Variants in NDST4 observed in about 807,000 individuals in gnomAD.
The protein encoded by NDST4 is N-deacetylase and N-sulfotransferase 4.
A neutral mutation model predicts 100.8 loss-of-function variants in NDST4; 63 were observed. The ratio of observed to expected loss-of-function variants is 0.62; its 90% confidence interval spans 0.51 to 0.77. NDST4 has a LOEUF of 0.77. NDST4 is among the 30% of genes least tolerant of loss of function. The probability of loss-of-function intolerance (pLI) is 0.00; values close to 1 mark genes in which losing one functional copy is unlikely to be tolerated. For missense variants in NDST4, 943 were observed against 1,018.4 expected, an observed-to-expected ratio of 0.93 and a Z score of 1.01; for synonymous variants, 377 against 361.8, an observed-to-expected ratio of 1.04 and a Z score of -0.48.
chr4:115,092,942 C>G (rs776847306), intron 1 of NDST4, among the ~76,000 whole-genome samples: 21 of 151,996 alleles, frequency 1.4e-4, no homozygotes, highest in Non-Finnish European at 2.5e-4. Flanking sequence ...CAAGTATATG[C>G]TGTTTACAAT....
chr4:114,887,145 T>G (rs1240507126), intron 6 of NDST4, among the ~76,000 whole-genome samples: 1 of 152,174 alleles, frequency 6.6e-6, no homozygotes, highest in African/African-American at 2.4e-5. Flanking sequence ...GATTTATTCT[T>G]AAGGAATCTG....
chr4:114,830,419 T>G (rs1017906687), intron 12 of NDST4, among the ~76,000 whole-genome samples: 1 of 152,202 alleles, frequency 6.6e-6, no homozygotes, highest in Non-Finnish European at 1.5e-5. Context: ...CTTACACTTT[T>G]CAAAAAACAA....
At chr4:114,934,685 A>G (rs1409963590) in intron 6 of NDST4, among the ~76,000 whole-genome samples, 1 of 152,088 alleles carries the variant, frequency 6.6e-6, no homozygotes, top group Non-Finnish European at 1.5e-5. Context: ...GATGGGATGA[A>G]TAAGTTAATA....
At chr4:115,102,198 G>C (rs533045864) in intron 1 of NDST4, among the ~76,000 whole-genome samples, 1 of 151,942 alleles carries the variant, frequency 6.6e-6, no homozygotes, top group African/African-American at 2.4e-5. Context: ...TTGCATCCTT[G>C]CTAATTGCCT....
chr4:115,110,229 T>A lies in NDST4; in HGVS notation c.-247+3215A>T, dbSNP rs546007481. 3.3e-5 allele frequency among the ~76,000 whole-genome samples: 5 copies of A among 152,062 alleles called. No individual in the cohort carries two copies. The South Asian group carries it at 8.3e-4, about 25-fold the overall frequency. On this transcript the variant is annotated intron_variant, in intron 1 of 13. Transcript: ENST00000264363. Reference sequence around the variant, plus strand: ...ATTGCAAATAACACCTCTAACTTCTTAAGCTTGCTGAAAATAACTTTTAAA... The same window carrying A: ...ATTGCAAATAACACCTCTAACTTCTAAAGCTTGCTGAAAATAACTTTTAAA...
At chr4:114,843,231 C>T (rs1391821450) in intron 10 of NDST4, among the ~76,000 whole-genome samples, 2 of 152,216 alleles carry the variant, frequency 1.3e-5, no homozygotes, top group Non-Finnish European at 2.9e-5. Flanking sequence ...AACCACCAGA[C>T]AGCTAGAAGA....
intron 7 of NDST4, among the ~76,000 whole-genome samples, chr4:114,865,386 T>A (rs1724006417): frequency 4.6e-5 from 7 of 152,142 alleles, no homozygotes; most frequent in Admixed American, 4.6e-4. Context: ...AACTAATGAC[T>A]GTGTACTTTT....
At chr4:114,939,774 C>A (rs1725709099) in intron 4 of NDST4, among the ~76,000 whole-genome samples, 1 of 151,996 alleles carries the variant, frequency 6.6e-6, no homozygotes, top group Non-Finnish European at 1.5e-5. Flanking sequence ...TCTGGGGGCC[C>A]AGTGTTATAC....
Position 115,016,867 on chromosome 4 carries a change from A to G in NDST4, c.979-39593T>C, listed in dbSNP as rs563948244. ...CCCCTGAGGTGCTTGCTGAAGGCAA[A>G]AAGTATATAGAATGGGCAGTAGAAG... On this transcript the variant is annotated intron_variant, in intron 2 of 13. Coordinates refer to ENST00000264363, the MANE Select transcript of NDST4 (RefSeq NM_022569.3). 2.0e-4 allele frequency among the ~76,000 whole-genome samples: 31 copies of G among 152,156 alleles called. No individual in the cohort carries two copies. The South Asian group carries it at 6.2e-3, about 31-fold the overall frequency.
At chr4:115,088,647 C>G (rs769120325) in intron 1 of NDST4, among the ~76,000 whole-genome samples, 2 of 151,844 alleles carry the variant, frequency 1.3e-5, no homozygotes, top group Non-Finnish European at 2.9e-5. Context: ...CCCCCACTCC[C>G]GCCCCCAATC....
At chr4:114,957,141 C>A (rs1342315296) in intron 4 of NDST4, among the ~76,000 whole-genome samples, 3 of 152,008 alleles carry the variant, frequency 2.0e-5, no homozygotes, top group Non-Finnish European at 4.4e-5. Context: ...ATGAAAAGTG[C>A]AATTATTGAA....
At chr4:115,085,491 G>T (rs974260749) in intron 1 of NDST4, among the ~76,000 whole-genome samples, 1 of 152,134 alleles carries the variant, frequency 6.6e-6, no homozygotes, top group African/African-American at 2.4e-5. Context: ...ATCTCGAATT[G>T]TAGTTCTCAT....
chr4:115,104,886 T>C (rs1729805693), intron 1 of NDST4, among the ~76,000 whole-genome samples: 1 of 152,178 alleles, frequency 6.6e-6, no homozygotes, highest in Non-Finnish European at 1.5e-5. Context: ...GTCAGAGTAC[T>C]GACACATGTA....
chr4:114,969,321 GAAAAAAAAAA>G (rs70964334), intron 4 of NDST4, among the ~76,000 whole-genome samples: 11 of 90,752 alleles, frequency 1.2e-4, no homozygotes, highest in East Asian at 3.6e-4. Flanking sequence ...CTCAAAAAAA[GAAAAAAAAAA>G]AAAAAAAAAA....
intron 1 of NDST4, among the ~76,000 whole-genome samples, chr4:115,094,891 C>T (rs1311849126): frequency 1.3e-5 from 2 of 152,124 alleles, no homozygotes; most frequent in Non-Finnish European, 2.9e-5. Context: ...GAACTTCTAG[C>T]CCCCAGAACT....
At chr4:114,908,427 G>A (rs537022418) in intron 6 of NDST4, among the ~76,000 whole-genome samples, 1 of 151,976 alleles carries the variant, frequency 6.6e-6, no homozygotes, top group Non-Finnish European at 1.5e-5. Flanking sequence ...AATCATATCA[G>A]TCGAATTTAA....
At chr4:114,920,797 T>A (rs932540050) in intron 6 of NDST4, among the ~76,000 whole-genome samples, 1 of 152,174 alleles carries the variant, frequency 6.6e-6, no homozygotes, top group African/African-American at 2.4e-5. Flanking sequence ...TGGAGACAGA[T>A]CTGTAGGATC....
chr4:114,948,794 C>G (rs1725925885), intron 4 of NDST4, among the ~76,000 whole-genome samples: 1 of 151,970 alleles, frequency 6.6e-6, no homozygotes, highest in Non-Finnish European at 1.5e-5. Flanking sequence ...GTGTCAACTA[C>G]TTTAAAAAAT....
chr4:114,856,285 A>T (rs1242491687), intron 7 of NDST4, among the ~76,000 whole-genome samples: 1 of 152,082 alleles, frequency 6.6e-6, no homozygotes, highest in African/African-American at 2.4e-5. Context: ...GCTGGTCTGG[A>T]ACTACTGGCC....
Sources: allele counts gnomAD v4.1 joint callset (sites outside exome capture counted in the v4.1 genomes callset), GRCh38; gene constraint gnomAD v4.1.1; transcripts MANE v1.5; gene names NCBI Gene and HGNC (gene_info 2026-07-23, HGNC 2026-07-21).